EXT1: variants seen among roughly 807,000 people sequenced by gnomAD.
EXT1 encodes the protein exostosin glycosyltransferase 1.
EXT1 carries 20 observed loss-of-function variants against 82.5 expected under a neutral mutation model. That is an observed-to-expected ratio of 0.24 (90% CI 0.17 to 0.35). The LOEUF is 0.35. Ranked by LOEUF, EXT1 falls within the 10% of genes least tolerant of loss-of-function variation. The pLI, the probability that EXT1 is intolerant of heterozygous loss-of-function variation, is 1.00. For missense variants in EXT1, 757 were observed against 936.5 expected (o/e 0.81, Z 2.50); for synonymous variants, 348 against 350.8 (o/e 0.99, Z 0.09).
At chr8:117,908,774 A>G (rs1813588231) in intron 1 of EXT1, among the ~76,000 whole-genome samples, 1 of 152,234 alleles carries the variant, frequency 6.6e-6, no homozygotes, top group African/African-American at 2.4e-5. Context: ...TAAATTGATG[A>G]CAGAAAGAGG....
intron 1 of EXT1, among the ~76,000 whole-genome samples, chr8:117,856,666 C>G (rs1055524413): frequency 3.3e-5 from 5 of 151,992 alleles, no homozygotes; most frequent in Admixed American, 2.6e-4. Context: ...AAAAAAGAAG[C>G]CATTTCCATA....
Position 117,968,786 on chromosome 8 carries a change from G to C in EXT1, c.963-131585C>G, listed in dbSNP as rs949972179. ...GGGTTTCACCAGGTTAGCCAGGATG[G>C]TCTCGATCTCCTGACCTTGTGATCC... On this transcript the variant is annotated intron_variant, in intron 1 of 10. Transcript: ENST00000378204. Among the ~76,000 whole-genome samples, 76 of 65,892 alleles carry C rather than the reference G, an allele frequency of 1.2e-3. 11 individuals carry two copies. Among genetic ancestry groups the C allele is most frequent in the Non-Finnish European group, 1.3e-3 (51 of 40,582 alleles). 43.2% of individuals were successfully genotyped at this position (65,892 alleles called of 152,430 possible). A position where few individuals can be genotyped will look rare whatever the true frequency, so the allele number is the denominator to read the frequency against.
chr8:117,855,551 T>TCC (rs2129843171), intron 1 of EXT1, among the ~76,000 whole-genome samples: 1 of 152,246 alleles, frequency 6.6e-6, no homozygotes, highest in South Asian at 2.1e-4. Context: ...CCATTTCCCC[T>TCC]CCCTCTCTCT....
At chr8:117,980,207 G>C (rs1171770008) in intron 1 of EXT1, among the ~76,000 whole-genome samples, 1 of 152,180 alleles carries the variant, frequency 6.6e-6, no homozygotes, top group African/African-American at 2.4e-5. Flanking sequence ...TTGCCTGAGT[G>C]ATAATATGAG....
At chr8:117,951,406 C>A (rs1814489043) in intron 1 of EXT1, among the ~76,000 whole-genome samples, 1 of 152,152 alleles carries the variant, frequency 6.6e-6, no homozygotes, top group Non-Finnish European at 1.5e-5. Context: ...TCTCAAAAGA[C>A]ATTTCATATT....
chr8:118,004,438 CA>C (rs1815734028), intron 1 of EXT1, among the ~76,000 whole-genome samples: 1 of 152,064 alleles, frequency 6.6e-6, no homozygotes, highest in South Asian at 2.1e-4. Flanking sequence ...CAAATACAGG[CA>C]AGAAAAGAGG....
chr8:118,086,794 T>TA (rs1482116768), intron 1 of EXT1, among the ~76,000 whole-genome samples: 3 of 152,210 alleles, frequency 2.0e-5, no homozygotes, highest in Non-Finnish European at 2.9e-5. Context: ...AAATATTAGA[T>TA]ATGTGTACTT....
chr8:118,009,215 C>A (rs775409204), intron 1 of EXT1, among the ~76,000 whole-genome samples: 2 of 152,200 alleles, frequency 1.3e-5, no homozygotes, highest in Non-Finnish European at 2.9e-5. Flanking sequence ...AATGTGAGCA[C>A]GCCTCCCAGA....
chr8:117,997,005 A>C (rs1463132780), intron 1 of EXT1, among the ~76,000 whole-genome samples: 1 of 152,162 alleles, frequency 6.6e-6, no homozygotes, highest in East Asian at 1.9e-4. Flanking sequence ...TGAGAGATAA[A>C]GTGCAAGATG....
Position 118,110,256 on chromosome 8 carries a change from A to T in EXT1, c.791T>A (p.Leu264Gln), listed in dbSNP as rs377162411. 1 of 1,614,156 alleles carries T rather than the reference A, an allele frequency of 6.2e-7. No homozygotes were observed. The change falls in exon 1 of 11, where the codon CTG (leucine) becomes CAG (glutamine). Residue 264 changes from leucine (L) to glutamine (Q), a missense_variant. Leu to Gln is a moderately radical substitution (Grantham distance 113). Around this residue, in one of 4 missense-constraint regions of EXT1, gnomAD observed 247 missense variants for 330.1 expected, o/e 0.75. Coordinates refer to ENST00000378204, the MANE Select transcript of EXT1 (RefSeq NM_000127.3). ...CAGGTACCTCTTCCCCTTGAATACC[A>T]GCATGTACTTCCTGAGAGGAGGGAT... ...NTIPPLRKYM[L>Q]VFKGKRYLTG...
At chr8:118,007,886 G>C (rs1815812213) in intron 1 of EXT1, among the ~76,000 whole-genome samples, 1 of 152,216 alleles carries the variant, frequency 6.6e-6, no homozygotes, top group Non-Finnish European at 1.5e-5. Context: ...TTACCCAAGG[G>C]ACTAATGATA....
intron 1 of EXT1, among the ~76,000 whole-genome samples, chr8:118,044,119 A>C (rs1204988713): frequency 1.3e-5 from 2 of 152,184 alleles, no homozygotes; most frequent in Non-Finnish European, 1.5e-5. Flanking sequence ...CGCCGACTGA[A>C]ATGGATTTTT....
intron 1 of EXT1, among the ~76,000 whole-genome samples, chr8:118,050,280 A>AT (rs1816696438): frequency 1.3e-5 from 2 of 152,238 alleles, no homozygotes; most frequent in Admixed American, 1.3e-4. Context: ...CACTGGCTGA[A>AT]TATCTGTGAG....
chr8:118,061,192 G>T (rs1485675194), intron 1 of EXT1, among the ~76,000 whole-genome samples: 1 of 152,138 alleles, frequency 6.6e-6, no homozygotes, highest in South Asian at 2.1e-4. Context: ...CACAAAACAC[G>T]TGGCTCAGTG....
intron 1 of EXT1, among the ~76,000 whole-genome samples, chr8:117,975,246 A>G (rs1815040742): frequency 1.3e-5 from 2 of 152,314 alleles, no homozygotes; most frequent in South Asian, 4.1e-4. Context: ...GGGAAATACC[A>G]TTTGGGTCAA....
chr8:118,091,744 C>CAAAA lies in EXT1; in HGVS notation c.962+18340_962+18341insTTTT, dbSNP rs555971666. On this transcript the variant is annotated intron_variant, in intron 1 of 10. Coordinates refer to ENST00000378204, the MANE Select transcript of EXT1 (RefSeq NM_000127.3). ...TGGGCGACAGAGCGAGACTCCATCT[C>CAAAA]ACAAAAATAAATAAATAAATAAATC... Among the ~76,000 whole-genome samples the CAAAA allele has an allele frequency of 4.5e-3, 688 of 152,132 alleles. 9 individuals carry two copies. Among genetic ancestry groups the CAAAA allele is most frequent in the South Asian group, 0.029 (139 of 4,812 alleles).
intron 1 of EXT1, among the ~76,000 whole-genome samples, chr8:118,072,071 A>T (rs1430401495): frequency 6.6e-6 from 1 of 152,148 alleles, no homozygotes; most frequent in Non-Finnish European, 1.5e-5. Flanking sequence ...AAGAGGAAGG[A>T]ATTTATCATT....
At chr8:117,970,245 T>C (rs1480124681) in intron 1 of EXT1, among the ~76,000 whole-genome samples, 4 of 152,058 alleles carry the variant, frequency 2.6e-5, no homozygotes, top group African/African-American at 9.7e-5. Context: ...AACCTACACC[T>C]GGGCTGTACC....
At chr8:118,099,880 G>GT (rs1156828784) in intron 1 of EXT1, among the ~76,000 whole-genome samples, 6 of 152,168 alleles carry the variant, frequency 3.9e-5, no homozygotes. Flanking sequence ...AACAGGATAT[G>GT]GCTTCAACAG....
Sources: allele counts gnomAD v4.1 joint callset (sites outside exome capture counted in the v4.1 genomes callset), GRCh38; gene constraint gnomAD v4.1.1; regional missense constraint gnomAD v4.1.1; transcripts MANE v1.5; gene names NCBI Gene and HGNC (gene_info 2026-07-23, HGNC 2026-07-21).